KCTD5: variants seen among roughly 807,000 people sequenced by gnomAD.
KCTD5 encodes the protein potassium channel tetramerization domain containing 5, also known as BTB/POZ domain-containing protein KCTD5.
KCTD5 carries 12 observed loss-of-function variants against 27.9 expected under a neutral mutation model. The ratio of observed to expected loss-of-function variants is 0.43; its 90% CI spans 0.28 to 0.70. KCTD5 has a LOEUF of 0.70. Among genes scored for constraint, KCTD5 ranks in the 30% least tolerant of loss-of-function variants. The pLI, the probability that KCTD5 is intolerant of heterozygous loss-of-function variation, is 0.19. For missense variants in KCTD5, 226 were observed against 274.8 expected (o/e 0.82, Z 1.26); for synonymous variants, 147 against 121.4 (o/e 1.21, Z -1.39).
chr16:2,703,637 C>T (rs767666996), intron 5 of KCTD5, among the ~76,000 whole-genome samples: 1 of 152,194 alleles, frequency 6.6e-6, no homozygotes, highest in Non-Finnish European at 1.5e-5. Flanking sequence ...CTCTCGGAGG[C>T]CTGCGGCCAG....
At chr16:2,702,326 TGC>T in intron 4 of KCTD5, 25 bp from the exon 5 acceptor site, 1 of 1,613,016 alleles carries the variant, frequency 6.2e-7, no homozygotes, top group African/African-American at 1.3e-5. Context: ...TTCACTGGGC[TGC>T]GTCTCAGGCT....
chr16:2,702,219 A>T (rs1596225484), intron 4 of KCTD5, 134 bp from the exon 5 acceptor site: 3 of 1,149,026 alleles, frequency 2.6e-6, no homozygotes. Context: ...TTTGTTTTCC[A>T]TCCATTTCCT....
intron 2 of KCTD5, among the ~76,000 whole-genome samples, chr16:2,696,793 G>A (rs1286243836): frequency 6.6e-6 from 1 of 152,238 alleles, no homozygotes; most frequent in Non-Finnish European, 1.5e-5. Context: ...GTGGAGTGAC[G>A]GGGGCTGTGG....
intron 5 of KCTD5, among the ~76,000 whole-genome samples, chr16:2,705,360 A>G (rs2067630989): frequency 6.6e-6 from 1 of 152,134 alleles, no homozygotes; most frequent in Non-Finnish European, 1.5e-5. Context: ...TGTGAGGCAG[A>G]TGCCCAGGGG....
chr16:2,702,323 G>A, intron 4 of KCTD5, 30 bp from the exon 5 acceptor site: 1 of 1,612,864 alleles, frequency 6.2e-7, no homozygotes, highest in Non-Finnish European at 8.5e-7. Context: ...GGCTTCACTG[G>A]GCTGCGTCTC....
chr16:2,699,773 A>C (rs753074752), intron 3 of KCTD5, 48 bp from the exon 4 acceptor site: 1 of 1,550,688 alleles, frequency 6.4e-7, no homozygotes, highest in South Asian at 1.1e-5. Flanking sequence ...CACAGGCAGC[A>C]GTGGGACATG....
Position 2,682,938 on chromosome 16 carries a change from C to G in KCTD5, c.252+138C>G, listed in dbSNP as rs1407146004. The G allele has an allele frequency of 3.6e-6, 4 of 1,102,506 alleles. No individual in the cohort carries two copies. The African/African-American group carries it at 5.0e-5, about 14-fold the overall frequency. The allele number at this position is 1,102,506 out of a possible 1,614,324, so 68.3% of individuals were successfully genotyped here. On this transcript the variant is annotated intron_variant, in intron 1 of 5. Coordinates refer to ENST00000301738, the MANE Select transcript of KCTD5 (RefSeq NM_018992.4). ...GGCTTCGAGCCCCGCGCTCCCTTGT[C>G]GCCAGCTCCTCCCCAGCTTGCCCCG...
At chr16:2,697,867 T>C in intron 2 of KCTD5, 39 bp from the exon 3 acceptor site, 1 of 1,443,056 alleles carries the variant, frequency 6.9e-7, no homozygotes. Flanking sequence ...TTTGGTTTAG[T>C]TTGGTCTGGT....
At chr16:2,683,050 T>G (rs1401987792) in intron 1 of KCTD5, 1 of 462,460 alleles carries the variant, frequency 2.2e-6, no homozygotes, top group Non-Finnish European at 3.8e-6. Context: ...CTTGGGGGTG[T>G]CTCTTCCTCG....
At chr16:2,688,243 A>ATATTTATT (rs56117069) in intron 1 of KCTD5, among the ~76,000 whole-genome samples, 5 of 64,244 alleles carry the variant, frequency 7.8e-5, no homozygotes, top group African/African-American at 2.5e-4. Flanking sequence ...ATATATATAT[A>ATATTTATT]TATTTATTTA....
At chr16:2,702,928 G>GACATGGGGGTCCAGTT (rs1231665485) in intron 5 of KCTD5, among the ~76,000 whole-genome samples, 9 of 152,036 alleles carry the variant, frequency 5.9e-5, no homozygotes, top group Admixed American at 6.5e-5. Context: ...TGAGTGCAGG[G>GACATGGGGGTCCAGTT]GTGGGTACCC....
intron 1 of KCTD5, chr16:2,685,845 G>A (rs1267634258): frequency 6.6e-6 from 1 of 151,198 alleles, no homozygotes; most frequent in African/African-American, 2.4e-5. Flanking sequence ...GTCCCTGCCT[G>A]GATTATTAGA....
intron 2 of KCTD5, among the ~76,000 whole-genome samples, chr16:2,696,989 C>T (rs1346897583): frequency 1.3e-5 from 2 of 152,346 alleles, no homozygotes; most frequent in South Asian, 2.1e-4. Flanking sequence ...CAGAAACGGG[C>T]GCTAGACACA....
At chr16:2,701,904 A>C (rs2142058533) in intron 4 of KCTD5, among the ~76,000 whole-genome samples, 1 of 152,276 alleles carries the variant, frequency 6.6e-6, no homozygotes, top group East Asian at 1.9e-4. Flanking sequence ...AGCAGGCTGC[A>C]GCAGACCCGC....
At chr16:2,692,685 G>C (rs1278613848) in intron 1 of KCTD5, among the ~76,000 whole-genome samples, 1 of 152,212 alleles carries the variant, frequency 6.6e-6, no homozygotes. Flanking sequence ...CAGCCTTCAT[G>C]CCCTCCCTGG....
At chr16:2,703,848 C>CTCT (rs1293232612) in intron 5 of KCTD5, among the ~76,000 whole-genome samples, 1 of 152,172 alleles carries the variant, frequency 6.6e-6, no homozygotes, top group Non-Finnish European at 1.5e-5. Flanking sequence ...CTCGGAGATG[C>CTCT]TCTTCCATTT....
At position 2,682,704 on chromosome 16, in the gene KCTD5, C is replaced by T. The variant is rs754038203; in HGVS notation, c.156C>T (p.Gly52=). The T allele has an allele frequency of 1.9e-5, 30 of 1,609,982 alleles. No individual in the cohort carries two copies. The highest frequency in any genetic ancestry group is 2.4e-5 in the Non-Finnish European group (28 of 1,178,740). The change falls in exon 1 of 6, where the codon GGC becomes GGT. Residue 52 remains glycine (G), a synonymous_variant. Coordinates refer to ENST00000301738, the MANE Select transcript of KCTD5 (RefSeq NM_018992.4). ...AGTGGGTCCGACTCAACGTCGGCGG[C>T]ACCTACTTCCTCACCACTCGGCAGA... ...VSKWVRLNVG[G]TYFLTTRQTL...
At chr16:2,683,744 G>T (rs1455473332) in intron 1 of KCTD5, 1 of 142,150 alleles carries the variant, frequency 7.0e-6, no homozygotes, top group African/African-American at 2.7e-5. Flanking sequence ...ACTTTGCGGG[G>T]TCTTTCAGTT....
intron 1 of KCTD5, chr16:2,684,291 G>A (rs1369596214): frequency 6.6e-6 from 1 of 152,192 alleles, no homozygotes. Flanking sequence ...ATTCCCAGTT[G>A]ATGAACTTTA....
Sources: allele counts gnomAD v4.1 joint callset (sites outside exome capture counted in the v4.1 genomes callset), GRCh38; gene constraint gnomAD v4.1.1; transcripts MANE v1.5; gene names NCBI Gene and HGNC (gene_info 2026-07-23, HGNC 2026-07-21).